The following KCNU1 variants were observed in gnomAD, a reference collection of about 807,000 sequenced individuals.
The protein encoded by KCNU1 is potassium channel subfamily U member 1.
In KCNU1, 93 loss-of-function variants were observed where a neutral mutation model predicts 126.8. The ratio of observed to expected loss-of-function variants is 0.73; its 90% CI spans 0.62 to 0.87. The LOEUF (loss-of-function observed/expected upper bound fraction) is 0.87, where lower values mean the gene tolerates loss of function less well. KCNU1 is among the 40% of genes least tolerant of loss of function. KCNU1 has a pLI of 0.00. For synonymous variants in KCNU1, 523 were observed against 494.2 expected (o/e 1.06, Z -0.77); for missense variants, 1,330 against 1,367.1 (o/e 0.97, Z 0.43).
At chr8:36,927,949 A>C (rs1253581274) in intron 24 of KCNU1, among the ~76,000 whole-genome samples, 1 of 129,978 alleles carries the variant, frequency 7.7e-6, no homozygotes, top group Non-Finnish European at 1.6e-5. Flanking sequence ...GGAGGGAGGA[A>C]GGGAGGGAGG....
In KCNU1 at chr8:36,845,701, T is replaced by C. The variant is rs375808117; in HGVS notation, c.1793+32T>C. ...TTATTATTTTATGGGGGAAAAGCAC[T>C]AAAGCAACTACAGCTTAATGGGAGG... On this transcript the variant is annotated intron_variant, in intron 17 of 26. Coordinates refer to ENST00000399881, the MANE Select transcript of KCNU1 (RefSeq NM_001031836.3). The C allele has an allele frequency of 1.3e-5, 20 of 1,505,676 alleles. No homozygotes were observed. In the African/African-American group the frequency reaches 1.6e-4, roughly 12 times the overall value. The allele number at this position is 1,505,676 out of a possible 1,614,324, so 93.3% of individuals were successfully genotyped here.
chr8:36,887,075 C>T (rs1806734062), intron 19 of KCNU1, among the ~76,000 whole-genome samples: 1 of 152,008 alleles, frequency 6.6e-6, no homozygotes, highest in Non-Finnish European at 1.5e-5. Context: ...GTTTCCATAT[C>T]TTTACAATTG....
At chr8:36,894,578 G>A (rs965125043) in intron 19 of KCNU1, among the ~76,000 whole-genome samples, 2 of 152,026 alleles carry the variant, frequency 1.3e-5, no homozygotes, top group African/African-American at 4.8e-5. Context: ...GTTGTGAGTG[G>A]TTTCTCTCAG....
At chr8:36,844,374 C>G (rs184433234) in intron 16 of KCNU1, among the ~76,000 whole-genome samples, 317 of 146,750 alleles carry the variant, frequency 2.2e-3, no homozygotes, top group African/African-American at 7.7e-3. Flanking sequence ...GAGTGAAACT[C>G]CGTCTCAAAA....
chr8:36,793,121 G>A (rs770351753), intron 2 of KCNU1, among the ~76,000 whole-genome samples: 23 of 149,324 alleles, frequency 1.5e-4, no homozygotes, highest in African/African-American at 2.2e-4. Context: ...ACCAAACATC[G>A]CATGTTCTCA....
At position 36,909,417 on chromosome 8, in the gene KCNU1, TGA is replaced by T; in HGVS notation, c.2217_2218del (p.Arg739SerfsTer91). The T allele has an allele frequency of 6.2e-7, 1 of 1,613,178 alleles. No individual in the cohort carries two copies. The highest frequency in any genetic ancestry group is 2.2e-5 in the East Asian group (1 of 44,876). ...GGGCTTCGGAACTTTGTAATGCCCT[TGA>T]GAGCCAGCAACTATACCAGGAAGGA... On this transcript the variant is annotated frameshift_variant, in exon 21 of 27. Transcript: ENST00000399881. LOFTEE classifies it high-confidence loss of function.
At chr8:36,894,328 T>A (rs1248989537) in intron 19 of KCNU1, among the ~76,000 whole-genome samples, 3 of 152,116 alleles carry the variant, frequency 2.0e-5, no homozygotes, top group Admixed American at 1.3e-4. Flanking sequence ...TAAAAGAACA[T>A]CTTAGCACAG....
intron 19 of KCNU1, among the ~76,000 whole-genome samples, chr8:36,881,334 C>T (rs576445933): frequency 5.3e-5 from 8 of 152,174 alleles, no homozygotes; most frequent in Non-Finnish European, 1.2e-4. Context: ...GCAATCCTCC[C>T]ACCTCAGCCT....
intron 2 of KCNU1, among the ~76,000 whole-genome samples, chr8:36,787,906 A>G (rs1299366702): frequency 2.0e-5 from 3 of 149,350 alleles, no homozygotes; most frequent in African/African-American, 7.3e-5. Flanking sequence ...TTATAATCAT[A>G]TTTTATATTT....
chr8:36,822,675 A>G (rs1162378489), intron 10 of KCNU1, among the ~76,000 whole-genome samples: 3 of 152,204 alleles, frequency 2.0e-5, no homozygotes, highest in Admixed American at 6.6e-5. Flanking sequence ...GCTTAGTTGC[A>G]TGCAAGAAAA....
At chr8:36,849,838 A>G (rs1461975444) in intron 18 of KCNU1, among the ~76,000 whole-genome samples, 1 of 152,132 alleles carries the variant, frequency 6.6e-6, no homozygotes, top group Non-Finnish European at 1.5e-5. Flanking sequence ...TTATGTATAC[A>G]CCCAGAAGTA....
chr8:36,790,083 A>G (rs1336176959), intron 2 of KCNU1, among the ~76,000 whole-genome samples: 2 of 152,238 alleles, frequency 1.3e-5, no homozygotes, highest in African/African-American at 4.8e-5. Context: ...AAGAGGCACT[A>G]AAGGCTGAAA....
chr8:36,849,487 G>A (rs906458049), intron 18 of KCNU1, among the ~76,000 whole-genome samples: 1 of 152,146 alleles, frequency 6.6e-6, no homozygotes, highest in African/African-American at 2.4e-5. Context: ...TACTTGGGAG[G>A]CTGAGGCAGG....
At chr8:36,877,188 G>T (rs1490442946) in intron 19 of KCNU1, among the ~76,000 whole-genome samples, 2 of 152,104 alleles carry the variant, frequency 1.3e-5, no homozygotes, top group Non-Finnish European at 2.9e-5. Context: ...GTTGGGGTAA[G>T]GATTCATAGA....
chr8:36,912,550 A>G (rs996587838), intron 22 of KCNU1, among the ~76,000 whole-genome samples: 1 of 152,178 alleles, frequency 6.6e-6, no homozygotes, highest in Admixed American at 6.5e-5. Context: ...TTGTTCTGCC[A>G]TAGGAATCCT....
At chr8:36,806,918 T>C (rs1270173404) in intron 5 of KCNU1, among the ~76,000 whole-genome samples, 1 of 152,204 alleles carries the variant, frequency 6.6e-6, no homozygotes, top group Non-Finnish European at 1.5e-5. Context: ...TCATACCACC[T>C]AAAGTAAAAC....
At position 36,806,410 on chromosome 8, in the gene KCNU1, A is replaced by G. The variant is rs759546619; in HGVS notation, c.580+30A>G. ...GTGTGCTCTGGGAACGGGTAGCAAT[A>G]TCTATGAATAAAATAAAAACTCAAC... On this transcript the variant is annotated intron_variant, in intron 5 of 26. Transcript: ENST00000399881. 8 of 1,099,678 alleles carry G rather than the reference A, an allele frequency of 7.3e-6. No individual in the cohort carries two copies. The South Asian group carries it at 9.9e-5, about 14-fold the overall frequency. 68.1% of individuals were successfully genotyped at this position (1,099,678 alleles called of 1,614,324 possible). A position where few individuals can be genotyped will look rare whatever the true frequency, so the allele number is the denominator to read the frequency against.
chr8:36,844,294 C>T (rs1372421537), intron 16 of KCNU1, among the ~76,000 whole-genome samples: 2 of 151,904 alleles, frequency 1.3e-5, no homozygotes, highest in African/African-American at 4.8e-5. Context: ...GCAGGAGAAT[C>T]ACCTGAACCT....
intron 10 of KCNU1, among the ~76,000 whole-genome samples, chr8:36,826,601 G>C (rs954678380): frequency 1.3e-5 from 2 of 152,082 alleles, no homozygotes; most frequent in African/African-American, 4.8e-5. Flanking sequence ...TTTTGACCTA[G>C]ATTCCAGAAC....
Sources: allele counts gnomAD v4.1 joint callset (sites outside exome capture counted in the v4.1 genomes callset), GRCh38; gene constraint gnomAD v4.1.1; transcripts MANE v1.5; gene names NCBI Gene and HGNC (gene_info 2026-07-23, HGNC 2026-07-21).